USP8: variants seen among roughly 807,000 people sequenced by gnomAD.
The protein encoded by USP8 is ubiquitin specific peptidase 8.
In USP8, 27 loss-of-function variants were observed where a neutral mutation model predicts 130.0. The observed-to-expected ratio is 0.21, with a 90% CI of 0.15 to 0.29. The LOEUF (loss-of-function observed/expected upper bound fraction) is 0.29, where lower values mean the gene tolerates loss of function less well. USP8 is among the 10% of genes least tolerant of loss of function. The probability of loss-of-function intolerance (pLI) is 1.00; values close to 1 mark genes in which losing one functional copy is unlikely to be tolerated. For missense variants in USP8, 1,029 were observed against 1,312.2 expected, an observed-to-expected ratio of 0.78 and a Z score of 3.33; for synonymous variants, 392 against 444.1, an observed-to-expected ratio of 0.88 and a Z score of 1.48.
At chr15:50,484,195 C>A in intron 11 of USP8, 80 bp from the exon 12 acceptor site, 2 of 1,053,380 alleles carry the variant, frequency 1.9e-6, no homozygotes, top group South Asian at 1.7e-5. Flanking sequence ...CTCATAGATT[C>A]GGTTGTGTTA....
intron 8 of USP8, 107 bp downstream of exon 8, chr15:50,471,902 C>CTTTTT: frequency 4.5e-6 from 4 of 882,548 alleles, no homozygotes; most frequent in South Asian, 1.7e-5. Flanking sequence ...TTCATCATGC[C>CTTTTT]TTTTTTTTTT....
Position 50,459,117 on chromosome 15 carries a change from A to C in USP8, c.453A>C (p.Lys151Asn), listed in dbSNP as rs1317409542. 9 of 1,613,826 alleles carry C rather than the reference A, an allele frequency of 5.6e-6. No homozygotes were observed. The highest frequency in any genetic ancestry group is 2.2e-5 in the South Asian group (2 of 90,974). The change falls in exon 5 of 20, where the codon AAA becomes AAC. Residue 151 changes from lysine (K) to asparagine (N), a missense_variant. By Grantham distance (94) the Lys-to-Asn change is moderately conservative. This residue lies in a region of USP8 where 281 missense variants were observed against 336.7 expected (regional missense o/e 0.83). Transcript: ENST00000307179. The part of the protein sequence containing the change: ...TGREDGGTLA[K>N]GSLENVLDSK... ...GAGAGGATGGTGGCACATTGGCTAAAGGCTCTTTGGAGAATGTTTTGGATT... is the reference window on the plus strand; with the variant it reads ...GAGAGGATGGTGGCACATTGGCTAACGGCTCTTTGGAGAATGTTTTGGATT...
rs1040613576 is a variant in USP8, at chr15:50,506,468, T to A, written c.*7380T>A. 6.6e-6 allele frequency: 1 copy of A among 151,892 alleles called. No individual in the cohort carries two copies. Among genetic ancestry groups the A allele is most frequent in the Non-Finnish European group, 1.5e-5 (1 of 67,986 alleles). The allele number at this position is 151,892 out of a possible 1,614,324, so 9.4% of individuals were successfully genotyped here. On this transcript the variant is annotated 3_prime_UTR_variant, in exon 20 of 20. Coordinates refer to ENST00000307179, the MANE Select transcript of USP8 (RefSeq NM_005154.5). The stretch of plus-strand genomic sequence containing the variant: ...CCATGCCCGCCCCGGCCCCCATCCA[T>A]GGGAAAAAAACCGCATCAGTGGAAA...
intron 12 of USP8, among the ~76,000 whole-genome samples, chr15:50,485,854 C>T (rs1219258386): frequency 6.6e-6 from 1 of 152,086 alleles, no homozygotes; most frequent in Non-Finnish European, 1.5e-5. Flanking sequence ...ATAACCTATA[C>T]ACATCCTCCT....
At position 50,433,747 on chromosome 15, in the gene USP8, AG is replaced by A. The variant is rs540249740; in HGVS notation, c.-65-5260del. Reference sequence around the variant, plus strand: ...CAGCCTCCTGAGTAGCTGGGACTACAGGTGCCCGCCACCGTGCCCGGCTAAT... The same window carrying A: ...CAGCCTCCTGAGTAGCTGGGACTACAGTGCCCGCCACCGTGCCCGGCTAAT... On this transcript the variant is annotated intron_variant, in intron 1 of 19. Transcript: ENST00000307179. 4.4e-3 allele frequency among the ~76,000 whole-genome samples: 666 copies of A among 152,226 alleles called. 5 individuals are homozygous for A. Among genetic ancestry groups the A allele is most frequent in the African/African-American group, 0.015 (639 of 41,554 alleles).
chr15:50,429,787 G>T (rs1244373488), intron 1 of USP8, among the ~76,000 whole-genome samples: 1 of 152,114 alleles, frequency 6.6e-6, no homozygotes, highest in Non-Finnish European at 1.5e-5. Flanking sequence ...AGTTCTCTAG[G>T]TAACTGATTC....
At chr15:50,435,020 GT>G (rs2050053787) in intron 1 of USP8, among the ~76,000 whole-genome samples, 1 of 152,150 alleles carries the variant, frequency 6.6e-6, no homozygotes, top group Admixed American at 6.6e-5. Context: ...GAACACTTCT[GT>G]ATAAGTATCA....
intron 5 of USP8, among the ~76,000 whole-genome samples, chr15:50,460,921 C>G (rs2050973268): frequency 6.6e-6 from 1 of 152,042 alleles, no homozygotes. Flanking sequence ...CTTTGGGAGG[C>G]CAAGGTGGGC....
intron 1 of USP8, among the ~76,000 whole-genome samples, chr15:50,437,349 T>C (rs943060874): frequency 1.3e-5 from 2 of 152,198 alleles, no homozygotes; most frequent in Non-Finnish European, 2.9e-5. Flanking sequence ...ATTTTCTGCT[T>C]TCTTTATAGT....
chr15:50,496,475 C>CT (rs2052412700), intron 17 of USP8, among the ~76,000 whole-genome samples: 1 of 109,748 alleles, frequency 9.1e-6, no homozygotes, highest in African/African-American at 4.0e-5. Context: ...AACAAGACTC[C>CT]GTCTTAAAAA....
In USP8 at chr15:50,500,628, G is replaced by A; in HGVS notation, c.*1540G>A. On this transcript the variant is annotated 3_prime_UTR_variant, in exon 20 of 20. Coordinates refer to ENST00000307179, the MANE Select transcript of USP8 (RefSeq NM_005154.5). ...AGATGCTGACTGCTTGTTTTGCAGT[G>A]TTCAGGAAACACCATTTTCCTGGCT... The A allele has an allele frequency of 2.7e-6, 2 of 744,460 alleles. No homozygotes were observed. Among genetic ancestry groups the A allele is most frequent in the Non-Finnish European group, 4.5e-6 (2 of 446,284 alleles). 46.1% of individuals were successfully genotyped at this position (744,460 alleles called of 1,614,324 possible).
chr15:50,485,352 A>T (rs539141748), intron 12 of USP8, among the ~76,000 whole-genome samples: 2 of 151,036 alleles, frequency 1.3e-5, no homozygotes, highest in Non-Finnish European at 2.9e-5. Context: ...CGGGAGGCTG[A>T]GGCAGGAGAA....
chr15:50,489,755 T>C (rs1342801023), intron 12 of USP8, 46 bp from the exon 13 acceptor site: 2 of 1,294,196 alleles, frequency 1.5e-6, no homozygotes, highest in Admixed American at 3.1e-5. Flanking sequence ...AAAAATCAGA[T>C]TTAAAAAAAA....
chr15:50,424,823 C>G (rs2049651078), intron 1 of USP8, among the ~76,000 whole-genome samples: 1 of 133,690 alleles, frequency 7.5e-6, no homozygotes, highest in South Asian at 2.3e-4. Context: ...CCTCTTGCTT[C>G]CGGTTTTTTT....
At chr15:50,495,494 G>A (rs1255947496) in intron 16 of USP8, among the ~76,000 whole-genome samples, 1 of 147,100 alleles carries the variant, frequency 6.8e-6, no homozygotes, top group African/African-American at 2.6e-5. Flanking sequence ...GGAGGGGGGG[G>A]TCTCACTATG....
At chr15:50,487,438 A>G (rs548384134) in intron 12 of USP8, among the ~76,000 whole-genome samples, 2 of 152,184 alleles carry the variant, frequency 1.3e-5, no homozygotes, top group Admixed American at 1.3e-4. Context: ...TTAAAGAGAA[A>G]GAGTAGGGAT....
intron 11 of USP8, among the ~76,000 whole-genome samples, chr15:50,483,427 A>G (rs2051843778): frequency 6.6e-6 from 1 of 152,238 alleles, no homozygotes; most frequent in Admixed American, 6.5e-5. Context: ...ATTTTGTTAA[A>G]ATTATCACTA....
intron 7 of USP8, among the ~76,000 whole-genome samples, chr15:50,469,575 A>G (rs1001106359): frequency 1.3e-5 from 2 of 152,100 alleles, no homozygotes; most frequent in African/African-American, 4.8e-5. Context: ...ACAATATTTT[A>G]TATTTCTTCT....
At chr15:50,427,585 C>T (rs1336785494) in intron 1 of USP8, among the ~76,000 whole-genome samples, 7 of 116,472 alleles carry the variant, frequency 6.0e-5, no homozygotes, top group Non-Finnish European at 1.0e-4. Context: ...TTTTTTGAGA[C>T]GGAGTCTTGC....
Sources: gnomAD v4.1 joint callset for allele counts (sites outside exome capture counted in the v4.1 genomes callset) on GRCh38, gnomAD v4.1.1 for gene constraint, gnomAD v4.1.1 regional missense constraint, MANE v1.5 for transcripts, NCBI Gene and HGNC (gene_info 2026-07-23, HGNC 2026-07-21) for gene names.